The following SLC71A2 variants were observed in gnomAD, a reference collection of about 807,000 sequenced individuals.
SLC71A2 encodes hippocampus abundant transcript-like 1.
chr9:94,420,044 C>T, the SLC71A2 span, among the ~76,000 whole-genome samples: 1 of 152,078 alleles, frequency 6.6e-6, no homozygotes, highest in Non-Finnish European at 1.5e-5. Flanking sequence ...TCAGTTCTTC[C>T]CTGGCTTTTG....
At chr9:94,400,747 G>A in the SLC71A2 span, among the ~76,000 whole-genome samples, 5 of 152,124 alleles carry the variant, frequency 3.3e-5, no homozygotes, top group African/African-American at 1.2e-4. Flanking sequence ...AACATGTACT[G>A]AGGCTCACTC....
At chr9:94,456,869 A>G in the SLC71A2 span, among the ~76,000 whole-genome samples, 27 of 152,282 alleles carry the variant, frequency 1.8e-4, no homozygotes, top group South Asian at 5.6e-3. Flanking sequence ...TCTACCATCT[A>G]GATCCATATC....
the SLC71A2 span, among the ~76,000 whole-genome samples, chr9:94,404,229 G>A: frequency 5.3e-5 from 8 of 152,166 alleles, no homozygotes; most frequent in Non-Finnish European, 1.2e-4. Context: ...AGTATGTGGT[G>A]ATACCTCATG....
chr9:94,416,716 T>C, the SLC71A2 span, among the ~76,000 whole-genome samples: 2 of 152,030 alleles, frequency 1.3e-5, no homozygotes, highest in Non-Finnish European at 2.9e-5. Context: ...TAGCTGGGCA[T>C]GGTGGTGCAT....
At chr9:94,377,522 A>G in the SLC71A2 span, among the ~76,000 whole-genome samples, 2 of 133,930 alleles carry the variant, frequency 1.5e-5, no homozygotes, top group Non-Finnish European at 3.1e-5. Flanking sequence ...GATATGTGCC[A>G]CCATGCCTGG....
the SLC71A2 span, among the ~76,000 whole-genome samples, chr9:94,384,258 TA>T: frequency 6.6e-6 from 1 of 152,198 alleles, no homozygotes; most frequent in African/African-American, 2.4e-5. Context: ...TATTCATCCT[TA>T]TCTTTTTGTG....
the SLC71A2 span, chr9:94,456,375 C>T: frequency 2.1e-5 from 32 of 1,510,174 alleles, no homozygotes; most frequent in South Asian, 1.2e-4. Flanking sequence ...TCTCCTTCAA[C>T]GGGAGACCTC....
chr9:94,431,266 T>C, the SLC71A2 span, among the ~76,000 whole-genome samples: 4 of 151,814 alleles, frequency 2.6e-5, no homozygotes, highest in Non-Finnish European at 4.4e-5. Flanking sequence ...TGAGCTGAGA[T>C]TGTGCCACTG....
At chr9:94,438,085 C>T in the SLC71A2 span, among the ~76,000 whole-genome samples, 12 of 152,068 alleles carry the variant, frequency 7.9e-5, no homozygotes, top group Admixed American at 3.9e-4. Context: ...TCTGCCACCA[C>T]GCCCGGCTAG....
chr9:94,454,988 G>GAAAT, the SLC71A2 span, among the ~76,000 whole-genome samples: 8 of 152,036 alleles, frequency 5.3e-5, no homozygotes, highest in African/African-American at 1.7e-4. Flanking sequence ...GGCAGATGCA[G>GAAAT]AAATGCCTTC....
chr9:94,456,162 T>C, the SLC71A2 span: 166 of 908,098 alleles, frequency 1.8e-4, no homozygotes, highest in Admixed American at 5.6e-4. Flanking sequence ...ATTTGTACTT[T>C]TGCCACTGAT....
the SLC71A2 span, chr9:94,374,762 C>G: frequency 2.1e-5 from 6 of 281,892 alleles, no homozygotes; most frequent in Admixed American, 1.2e-4. Flanking sequence ...CCGCCGCCGC[C>G]TCCGCGGCGT....
chr9:94,447,582 A>C, the SLC71A2 span, among the ~76,000 whole-genome samples: 1 of 150,928 alleles, frequency 6.6e-6, no homozygotes, highest in African/African-American at 2.4e-5. Flanking sequence ...TATATCCCCT[A>C]TCCCCATACA....
the SLC71A2 span, among the ~76,000 whole-genome samples, chr9:94,441,499 T>C: frequency 6.6e-6 from 1 of 152,182 alleles, no homozygotes; most frequent in Non-Finnish European, 1.5e-5. Context: ...ACTACCCCCA[T>C]GATCCAATCA....
At chr9:94,400,757 CTTG>C in the SLC71A2 span, among the ~76,000 whole-genome samples, 26 of 152,294 alleles carry the variant, frequency 1.7e-4, no homozygotes, top group South Asian at 5.2e-3. Flanking sequence ...GAGGCTCACT[CTTG>C]TTCTCTGAAG....
the SLC71A2 span, among the ~76,000 whole-genome samples, chr9:94,424,246 G>C: frequency 1.3e-5 from 2 of 148,878 alleles, no homozygotes; most frequent in Non-Finnish European, 1.5e-5. Context: ...TTTTGGCGGA[G>C]GGGGGAGCAA....
At chr9:94,449,112 TA>T in the SLC71A2 span, among the ~76,000 whole-genome samples, 11 of 151,152 alleles carry the variant, frequency 7.3e-5, no homozygotes, top group Non-Finnish European at 8.9e-5. Flanking sequence ...GGAAGAAAGC[TA>T]AAAAAAAAGT....
At chr9:94,389,417 C>T in the SLC71A2 span, among the ~76,000 whole-genome samples, 1 of 151,556 alleles carries the variant, frequency 6.6e-6, no homozygotes, top group Non-Finnish European at 1.5e-5. Context: ...AAGCATACAC[C>T]ATCACCCCTA....
At chr9:94,446,097 AT>A in the SLC71A2 span, among the ~76,000 whole-genome samples, 1 of 152,294 alleles carries the variant, frequency 6.6e-6, no homozygotes, top group Non-Finnish European at 1.5e-5. Flanking sequence ...AATCGTGGGG[AT>A]TACTGTTAAT....
Sources: gnomAD v4.1 joint callset for allele counts (sites outside exome capture counted in the v4.1 genomes callset) on GRCh38, gnomAD v4.1.1 for gene constraint, MANE v1.5 for transcripts, NCBI Gene and HGNC (gene_info 2026-07-23, HGNC 2026-07-21) for gene names.